BLTP1: variants seen among roughly 807,000 people sequenced by gnomAD.
BLTP1 encodes bridge-like lipid transfer protein family member 1.
At chr4:122,352,844 A>G in the BLTP1 span, 263 of 1,582,260 alleles carry the variant, frequency 1.7e-4, 1 homozygote, top group Admixed American at 1.1e-3. Context: ...GCCTCACTCT[A>G]CCCTATCCAA....
chr4:122,203,468 C>A, the BLTP1 span, among the ~76,000 whole-genome samples: 4 of 151,922 alleles, frequency 2.6e-5, no homozygotes, highest in Non-Finnish European at 5.9e-5. Flanking sequence ...TGCCTAACAA[C>A]TTAAAGATAA....
At chr4:122,246,104 G>A in the BLTP1 span, 3 of 1,510,468 alleles carry the variant, frequency 2.0e-6, no homozygotes, top group Admixed American at 6.2e-5. Context: ...TGGATGATGT[G>A]GAAGTTATGA....
the BLTP1 span, chr4:122,189,924 C>A: frequency 6.6e-7 from 1 of 1,512,878 alleles, no homozygotes; most frequent in Non-Finnish European, 8.9e-7. Context: ...CACCTATTGC[C>A]AGCATTAACT....
At chr4:122,200,778 G>T in the BLTP1 span, 12 of 905,074 alleles carry the variant, frequency 1.3e-5, no homozygotes, top group Middle Eastern at 5.7e-4. Context: ...CTGATTTGTT[G>T]TTCTGAAAGT....
chr4:122,271,573 T>C, the BLTP1 span: 12 of 1,613,506 alleles, frequency 7.4e-6, no homozygotes, highest in Non-Finnish European at 1.0e-5. Context: ...TGACTATTCA[T>C]ATGGATGACT....
the BLTP1 span, chr4:122,197,576 G>A: frequency 2.5e-6 from 1 of 398,812 alleles, no homozygotes; most frequent in Non-Finnish European, 3.4e-6. Flanking sequence ...TGCACTTTGA[G>A]AGCAGGTGCT....
the BLTP1 span, chr4:122,207,521 T>TC: frequency 1.1e-4 from 169 of 1,508,800 alleles, no homozygotes; most frequent in Middle Eastern, 7.4e-4. Flanking sequence ...CTTCTTTTTT[T>TC]TTTTTTTTTT....
the BLTP1 span, chr4:122,361,932 T>G: frequency 1.9e-5 from 26 of 1,379,256 alleles, no homozygotes; most frequent in Non-Finnish European, 2.5e-5. Context: ...TATTTTGTCT[T>G]GAGTATATTA....
chr4:122,350,059 A>C, the BLTP1 span: 1 of 1,613,738 alleles, frequency 6.2e-7, no homozygotes, highest in Non-Finnish European at 8.5e-7. Context: ...CCTAGAAAAA[A>C]GTTCACAAGA....
At chr4:122,254,680 G>A in the BLTP1 span, 14 of 1,206,734 alleles carry the variant, frequency 1.2e-5, no homozygotes, top group East Asian at 4.2e-4. Flanking sequence ...ATTTATCAGT[G>A]CTCAAAAAGA....
the BLTP1 span, chr4:122,190,127 G>A: frequency 6.3e-7 from 1 of 1,596,960 alleles, no homozygotes; most frequent in Non-Finnish European, 8.6e-7. Flanking sequence ...GACAGAGTGA[G>A]ACTCTGTCAC....
At chr4:122,306,756 G>C in the BLTP1 span, 7 of 825,718 alleles carry the variant, frequency 8.5e-6, no homozygotes, top group Non-Finnish European at 1.0e-5. Context: ...GGGAAAGAAG[G>C]CTGAACAGGT....
chr4:122,245,073 T>C, the BLTP1 span: 104 of 1,612,602 alleles, frequency 6.4e-5, no homozygotes, highest in African/African-American at 1.2e-3. Context: ...GCTGCAATTG[T>C]AGATGATCTT....
chr4:122,341,050 T>C, the BLTP1 span, among the ~76,000 whole-genome samples: 15 of 152,150 alleles, frequency 9.9e-5, no homozygotes, highest in Non-Finnish European at 2.1e-4. Context: ...AATTAATGGC[T>C]ATAAGATATT....
chr4:122,331,435 A>C, the BLTP1 span: 1 of 1,612,148 alleles, frequency 6.2e-7, no homozygotes, highest in Non-Finnish European at 8.5e-7. Flanking sequence ...AGCTACAGAG[A>C]GAAATATTGA....
At chr4:122,212,633 A>G in the BLTP1 span, among the ~76,000 whole-genome samples, 1 of 152,104 alleles carries the variant, frequency 6.6e-6, no homozygotes, top group Non-Finnish European at 1.5e-5. Flanking sequence ...AAAAACTGAT[A>G]GTAATACATA....
the BLTP1 span, chr4:122,170,253 C>T: frequency 5.6e-5 from 34 of 607,284 alleles, no homozygotes; most frequent in Non-Finnish European, 5.9e-5. Context: ...TTGCCTGAGC[C>T]GAGATCATGC....
chr4:122,336,289 A>G, the BLTP1 span: 10 of 1,612,606 alleles, frequency 6.2e-6, no homozygotes, highest in Middle Eastern at 1.7e-4. Context: ...GTCCCTGCCT[A>G]TTAGACTTTC....
At chr4:122,336,521 A>G in the BLTP1 span, 25 of 511,896 alleles carry the variant, frequency 4.9e-5, no homozygotes, top group Non-Finnish European at 6.3e-5. Context: ...GTCATTTACA[A>G]ATGAAGAAAC....
Sources: allele counts gnomAD v4.1 joint callset (sites outside exome capture counted in the v4.1 genomes callset), GRCh38; gene constraint gnomAD v4.1.1; transcripts MANE v1.5; gene names NCBI Gene and HGNC (gene_info 2026-07-23, HGNC 2026-07-21).